ZNF326: variants seen among roughly 807,000 people sequenced by gnomAD.
ZNF326 encodes zinc finger protein 326.
In ZNF326, 30 loss-of-function variants were observed where a neutral mutation model predicts 63.1. That is an observed-to-expected ratio of 0.48 (90% confidence interval 0.36 to 0.64). The LOEUF (loss-of-function observed/expected upper bound fraction) is 0.64, where lower values mean the gene tolerates loss of function less well. Ranked by LOEUF, ZNF326 falls within the 30% of genes least tolerant of loss-of-function variation. The probability of loss-of-function intolerance (pLI) is 0.00; values close to 1 mark genes in which losing one functional copy is unlikely to be tolerated. For missense variants in ZNF326, 609 were observed against 720.3 expected (o/e 0.85, Z 1.77); for synonymous variants, 194 against 228.2 (o/e 0.85, Z 1.35).
At chr1:90,010,690 C>G (rs1649194395) in intron 6 of ZNF326, among the ~76,000 whole-genome samples, 2 of 152,110 alleles carry the variant, frequency 1.3e-5, no homozygotes, top group Admixed American at 1.3e-4. Flanking sequence ...GCTTTGTATT[C>G]ATTTTTCCCT....
Position 90,017,302 on chromosome 1 carries a change from T to C in ZNF326, c.927-15T>C. 1.3e-6 allele frequency: 2 copies of C among 1,554,350 alleles called. No individual in the cohort carries two copies. Among genetic ancestry groups the C allele is most frequent in the Non-Finnish European group, 8.7e-7 (1 of 1,154,346 alleles). ...TAAAGTAATATTTAAAGGAAAACTT[T>C]TTTTTCTCTTACAGAATGGCATTTA... On this transcript the variant is annotated splice_polypyrimidine_tract_variant and intron_variant, in intron 7 of 11. Coordinates refer to ENST00000340281, the MANE Select transcript of ZNF326 (RefSeq NM_182976.4).
chr1:90,005,273 AT>A, intron 4 of ZNF326, 29 bp downstream of exon 4: 1 of 1,600,426 alleles, frequency 6.2e-7, no homozygotes, highest in Non-Finnish European at 8.5e-7. Context: ...TGGCCAAATA[AT>A]TAGACAACTA....
rs781742457 is a variant in ZNF326 at position 90,027,404 on chromosome 1, A to T, written c.1452A>T (p.Glu484Asp). Residue 484 changes from glutamate to aspartate, a missense_variant, in exon 12 of 12, where the codon GAA becomes GAT. This residue lies in a region of ZNF326 where 399 missense variants were observed against 444.3 expected (regional missense o/e 0.90). Coordinates refer to ENST00000340281, the MANE Select transcript of ZNF326 (RefSeq NM_182976.4). ...ACCATTCTCAGGATCAGCAAATAGA[A>T]GGAGATGAGGAGGATGAAGAGAAGA... ...IQDHSQDQQI[E>D]GDEEDEEKID... The T allele has an allele frequency of 1.2e-6, 2 of 1,613,924 alleles. No individual in the cohort carries two copies. Among genetic ancestry groups the T allele is most frequent in the Admixed American group, 3.3e-5 (2 of 59,988 alleles).
chr1:90,022,107 A>T, intron 10 of ZNF326, 143 bp from the exon 11 acceptor site: 1 of 616,878 alleles, frequency 1.6e-6, no homozygotes, highest in Non-Finnish European at 2.9e-6. Flanking sequence ...GACTGTGGTT[A>T]TAGTAGTTGC....
Position 90,014,253 on chromosome 1 carries a change from G to T in ZNF326, c.926+1016G>T, listed in dbSNP as rs551061696. Reference sequence around the variant, plus strand: ...GAATAAATTACAAAGGAAATTATGAGCAGATTTGGCTAAATAAAAACTTAA... The same window carrying T: ...GAATAAATTACAAAGGAAATTATGATCAGATTTGGCTAAATAAAAACTTAA... On this transcript the variant is annotated intron_variant, in intron 7 of 11. Coordinates refer to ENST00000340281, the MANE Select transcript of ZNF326 (RefSeq NM_182976.4). Among the ~76,000 whole-genome samples, 8 of 152,182 alleles carry T rather than the reference G, an allele frequency of 5.3e-5. No individual in the cohort carries two copies. In the East Asian group the frequency reaches 1.5e-3, roughly 29 times the overall value.
At chr1:90,006,575 A>C in intron 4 of ZNF326, 1 of 674,338 alleles carries the variant, frequency 1.5e-6, no homozygotes, top group Non-Finnish European at 1.8e-6. Context: ...TAATTTCCTG[A>C]AGGAAATAAT....
In ZNF326 at chr1:89,998,073, T is replaced by C. The variant is rs1648484301; in HGVS notation, c.17-37T>C. On this transcript the variant is annotated intron_variant, in intron 1 of 11. Transcript: ENST00000340281. ...ATATAATTTTGAATTATTGCTAATA[T>C]CACACTAATTCCTTTTTGTTAAATG... The C allele has an allele frequency of 2.5e-6, 4 of 1,588,852 alleles. No homozygotes were observed. The African/African-American group carries it at 4.0e-5, about 16-fold the overall frequency.
At chr1:89,995,653 C>CACAGGGCAGCG (rs1553134447) in intron 1 of ZNF326, among the ~76,000 whole-genome samples, 2 of 152,266 alleles carry the variant, frequency 1.3e-5, no homozygotes, top group African/African-American at 4.8e-5. Context: ...GCATTCGCCC[C>CACAGGGCAGCG]ACAGGGCAGC....
At chr1:90,005,818 C>T in intron 4 of ZNF326, 2 of 985,450 alleles carry the variant, frequency 2.0e-6, no homozygotes, top group Non-Finnish European at 1.2e-6. Flanking sequence ...ACTACTTACA[C>T]CAAAGCACTT....
Position 90,018,777 on chromosome 1 carries a change from T to C in ZNF326, c.1167T>C (p.Val389=). The stretch of plus-strand genomic sequence containing the variant: ...TAGTTAAAATAATTGAAAAAGATGT[T>C]ATGGAAGGTAAGTATTTAAAACAAA... ...TEVVKIIEKD[V]MEGVTVDDHM... The change falls in exon 9 of 12, where the codon GTT becomes GTC. Residue 389 remains valine, a synonymous_variant. Coordinates refer to ENST00000340281, the MANE Select transcript of ZNF326 (RefSeq NM_182976.4). 1.3e-6 allele frequency: 2 copies of C among 1,521,530 alleles called. No homozygotes were observed. The highest frequency in any genetic ancestry group is 2.3e-5 in the East Asian group (1 of 43,564). The allele number at this position is 1,521,530 out of a possible 1,614,324, so 94.3% of individuals were successfully genotyped here.
chr1:90,010,006 ATAGT>A (rs1486902522), intron 5 of ZNF326, 78 bp from the exon 6 acceptor site: 4 of 1,359,584 alleles, frequency 2.9e-6, no homozygotes, highest in Admixed American at 4.0e-5. Context: ...AAATTAGTAG[ATAGT>A]TAACATGAAA....
intron 2 of ZNF326, among the ~76,000 whole-genome samples, chr1:90,001,945 A>ATT (rs1557516081): frequency 6.6e-6 from 1 of 152,236 alleles, no homozygotes; most frequent in East Asian, 1.9e-4. Flanking sequence ...TGAGCGTATT[A>ATT]TTTGTATGAT....
At chr1:89,998,874 G>A (rs1037010760) in intron 2 of ZNF326, among the ~76,000 whole-genome samples, 1 of 152,148 alleles carries the variant, frequency 6.6e-6, no homozygotes, top group African/African-American at 2.4e-5. Flanking sequence ...CTTTCGTACA[G>A]AATAGAATAT....
Position 89,998,169 on chromosome 1 carries a change from TC to T in ZNF326, c.61+16del. 1 of 1,612,018 alleles carries T rather than the reference TC, an allele frequency of 6.2e-7. No individual in the cohort carries two copies. The highest frequency in any genetic ancestry group is 2.2e-5 in the East Asian group (1 of 44,792). ...GGGCTTTAATGGTAAGTATCCTCTT[TC>T]AGCTTTTCTCTTCATGCGCATAAAA... On this transcript the variant is annotated intron_variant, in intron 2 of 11. Coordinates refer to ENST00000340281, the MANE Select transcript of ZNF326 (RefSeq NM_182976.4).
chr1:89,997,216 T>G (rs554302952), intron 1 of ZNF326, among the ~76,000 whole-genome samples: 1 of 152,336 alleles, frequency 6.6e-6, no homozygotes, highest in East Asian at 1.9e-4. Flanking sequence ...ATTCTGTTCT[T>G]TCAGTATATA....
At chr1:90,019,672 A>T (rs1375968165) in intron 9 of ZNF326, among the ~76,000 whole-genome samples, 1 of 152,062 alleles carries the variant, frequency 6.6e-6, no homozygotes, top group Non-Finnish European at 1.5e-5. Flanking sequence ...TCACTTACAG[A>T]GCTTAAGTTA....
chr1:90,014,296 A>C (rs1316759611), intron 7 of ZNF326, among the ~76,000 whole-genome samples: 1 of 152,192 alleles, frequency 6.6e-6, no homozygotes, highest in African/African-American at 2.4e-5. Flanking sequence ...AAGGAGTGCA[A>C]ACAGACTTGG....
rs1208547717 is a variant in ZNF326 at position 89,995,263 on chromosome 1, C to G, written c.6C>G (p.Asp2Glu). Residue 2 changes from aspartate (D) to glutamate (E), a missense_variant, in exon 1 of 12, where the codon GAC becomes GAG. Transcript: ENST00000340281. ...GACGGCCCTCAGCCTCTGCCATGGA[C>G]TTCGAGGACGGTAAGCGCTGCCTCT... M[D>E]FEDDYTHSAC... is the part of the protein sequence containing the mutation. 1.3e-6 allele frequency: 2 copies of G among 1,556,370 alleles called. No individual in the cohort carries two copies. The highest frequency in any genetic ancestry group is 1.2e-5 in the South Asian group (1 of 84,092).
intron 2 of ZNF326, among the ~76,000 whole-genome samples, chr1:89,999,451 A>G (rs1382774012): frequency 6.6e-6 from 1 of 152,160 alleles, no homozygotes; most frequent in Non-Finnish European, 1.5e-5. Context: ...TGAAATGCAG[A>G]CTCATGCAGG....
Sources: gnomAD v4.1 joint callset for allele counts (sites outside exome capture counted in the v4.1 genomes callset) on GRCh38, gnomAD v4.1.1 for gene constraint, gnomAD v4.1.1 regional missense constraint, MANE v1.5 for transcripts, NCBI Gene and HGNC (gene_info 2026-07-23, HGNC 2026-07-21) for gene names.